Variants in ROBO2 observed in about 807,000 individuals in gnomAD.
ROBO2 encodes the protein roundabout homolog 2.
Under a neutral mutation model 160.8 loss-of-function variants are expected in ROBO2, and 53 were observed. The observed-to-expected ratio is 0.33, with a 90% confidence interval of 0.26 to 0.41. The LOEUF is 0.41. Ranked by LOEUF, ROBO2 falls within the 10% of genes least tolerant of loss-of-function variation. The pLI is 1.00. For missense variants in ROBO2, 1,577 were observed against 1,722.4 expected (o/e 0.92, Z 1.49); for synonymous variants, 664 against 611.7 (o/e 1.09, Z -1.26).
intron 2 of ROBO2, among the ~76,000 whole-genome samples, chr3:75,941,168 C>A (rs1406840821): frequency 6.6e-6 from 1 of 152,090 alleles, no homozygotes; most frequent in African/African-American, 2.4e-5. Flanking sequence ...GTTGCCCAGG[C>A]AGGTCACGAA....
intron 23 of ROBO2, chr3:77,629,815 G>A (rs572825973): frequency 1.6e-4 from 24 of 152,130 alleles, no homozygotes; most frequent in South Asian, 8.3e-4. Context: ...TAATGAAAAC[G>A]TTGAATGCAT....
intron 5 of ROBO2, among the ~76,000 whole-genome samples, chr3:77,501,222 G>A (rs1040757084): frequency 2.0e-5 from 3 of 151,924 alleles, no homozygotes; most frequent in South Asian, 4.1e-4. Context: ...CTCATATCCC[G>A]CCATATCACA....
chr3:76,258,674 AT>A (rs1361180632), intron 2 of ROBO2, among the ~76,000 whole-genome samples: 1 of 151,766 alleles, frequency 6.6e-6, no homozygotes, highest in Non-Finnish European at 1.5e-5. Flanking sequence ...AAATTTTCAG[AT>A]ATTTTTCTAA....
intron 2 of ROBO2, among the ~76,000 whole-genome samples, chr3:76,227,765 C>T (rs965864673): frequency 6.6e-6 from 1 of 152,126 alleles, no homozygotes; most frequent in Non-Finnish European, 1.5e-5. Flanking sequence ...TCACCTACCC[C>T]ACCCTAGACT....
At chr3:76,877,056 A>C (rs1353224882) in intron 2 of ROBO2, among the ~76,000 whole-genome samples, 1 of 152,216 alleles carries the variant, frequency 6.6e-6, no homozygotes, top group Non-Finnish European at 1.5e-5. Context: ...TACATTTTCC[A>C]TAAGAGTAAA....
rs576872166 is a variant in ROBO2 at position 77,613,219 on chromosome 3, A to AT, written c.3294-4280dup. ...ATTTCTTCTAATATATTCTCTATGA[A>AT]TTTTTTTTTTTTTTAAATTTCATGT... On this transcript the variant is annotated intron_variant, in intron 21 of 25. Coordinates refer to ENST00000461745, the Ensembl canonical transcript of ROBO2. Among the ~76,000 whole-genome samples the AT allele has an allele frequency of 8.2e-4, 120 of 146,000 alleles. 1 individual carries two copies. The highest frequency in any genetic ancestry group is 2.0e-3 in the East Asian group (10 of 5,004).
At chr3:75,911,094 C>A (rs1388132246) in intron 1 of ROBO2, among the ~76,000 whole-genome samples, 1 of 151,764 alleles carries the variant, frequency 6.6e-6, no homozygotes, top group Non-Finnish European at 1.5e-5. Context: ...GAGCTAACAG[C>A]TTAGTGTGAT....
At chr3:77,591,493 C>T (rs1329276568) in intron 17 of ROBO2, among the ~76,000 whole-genome samples, 1 of 152,152 alleles carries the variant, frequency 6.6e-6, no homozygotes, top group Admixed American at 6.6e-5. Flanking sequence ...ATGTTATAAT[C>T]TTGCGAAATC....
intron 2 of ROBO2, among the ~76,000 whole-genome samples, chr3:76,516,557 G>A (rs1344653681): frequency 6.6e-6 from 1 of 152,102 alleles, no homozygotes; most frequent in Non-Finnish European, 1.5e-5. Context: ...CTTGGCTCTT[G>A]CTCCATTTTA....
chr3:77,491,422 A>G (rs2086096000), intron 4 of ROBO2, among the ~76,000 whole-genome samples: 1 of 152,166 alleles, frequency 6.6e-6, no homozygotes, highest in Non-Finnish European at 1.5e-5. Flanking sequence ...GATAGCACAG[A>G]AGAAGTCGAT....
In ROBO2 at chr3:76,545,971, A is replaced by AT. The variant is rs199510675; in HGVS notation, c.110-552037dup. Among the ~76,000 whole-genome samples the AT allele has an allele frequency of 4.9e-3, 744 of 151,866 alleles. 8 individuals are homozygous for AT. Among genetic ancestry groups the AT allele is most frequent in the African/African-American group, 0.017 (724 of 41,502 alleles). On this transcript the variant is annotated intron_variant, in intron 2 of 26. Transcript: ENST00000487694. Reference sequence around the variant, plus strand: ...TACAATGATTATACTAGAGGAGGGTATTTTTTGTTGTTACTTTTTGTTCCT... The same window carrying AT: ...TACAATGATTATACTAGAGGAGGGTATTTTTTTGTTGTTACTTTTTGTTCCT...
At chr3:77,064,284 T>C (rs2066615936) in intron 1 of ROBO2, among the ~76,000 whole-genome samples, 1 of 151,744 alleles carries the variant, frequency 6.6e-6, no homozygotes, top group Non-Finnish European at 1.5e-5. Flanking sequence ...AAGGAAAAAA[T>C]GAGTAGTGAA....
At position 76,869,692 on chromosome 3, in the gene ROBO2, A is replaced by G. The variant is rs1042424868; in HGVS notation, c.110-228322A>G. ...GAAATTTCTTACCATTGAAATTGGGAATATCAAGATTTTAAAATCCTTGAA... is the reference window on the plus strand; with the variant it reads ...GAAATTTCTTACCATTGAAATTGGGGATATCAAGATTTTAAAATCCTTGAA... On this transcript the variant is annotated intron_variant, in intron 2 of 26. Coordinates refer to the ROBO2 transcript ENST00000487694. 2.6e-5 allele frequency among the ~76,000 whole-genome samples: 4 copies of G among 152,248 alleles called. No homozygotes were observed. In the South Asian group the frequency reaches 8.3e-4, roughly 32 times the overall value.
At chr3:76,143,478 A>G (rs1369236785) in intron 2 of ROBO2, among the ~76,000 whole-genome samples, 1 of 152,212 alleles carries the variant, frequency 6.6e-6, no homozygotes, top group East Asian at 1.9e-4. Context: ...AAGTTCCTTG[A>G]TAAGGAGTAT....
intron 2 of ROBO2, among the ~76,000 whole-genome samples, chr3:76,058,576 G>A (rs1456601148): frequency 4.9e-5 from 6 of 121,864 alleles, no homozygotes; most frequent in African/African-American, 9.6e-5. Flanking sequence ...ATCACACGTC[G>A]AAACAGCAGA....
At chr3:76,529,698 C>T (rs1302727135) in intron 2 of ROBO2, among the ~76,000 whole-genome samples, 2 of 152,030 alleles carry the variant, frequency 1.3e-5, no homozygotes, top group Non-Finnish European at 2.9e-5. Flanking sequence ...ACAGAAAAAA[C>T]TTGATCTTGA....
intron 2 of ROBO2, among the ~76,000 whole-genome samples, chr3:77,405,757 C>T (rs1203211184): frequency 6.6e-6 from 1 of 151,992 alleles, no homozygotes; most frequent in Admixed American, 6.6e-5. Flanking sequence ...AAACCACAAA[C>T]AATGATGTTG....
At chr3:77,061,541 CG>C (rs1196157205) in intron 1 of ROBO2, among the ~76,000 whole-genome samples, 1 of 152,116 alleles carries the variant, frequency 6.6e-6, no homozygotes, top group East Asian at 1.9e-4. Flanking sequence ...AAATCAGTAA[CG>C]GATTCATCTT....
intron 2 of ROBO2, among the ~76,000 whole-genome samples, chr3:75,993,667 T>G (rs1014108382): frequency 1.3e-5 from 2 of 152,198 alleles, no homozygotes; most frequent in African/African-American, 4.8e-5. Context: ...TTTCGCTTCC[T>G]GTAGAGTTTC....
Sources: gnomAD v4.1 joint callset for allele counts (sites outside exome capture counted in the v4.1 genomes callset) on GRCh38, gnomAD v4.1.1 for gene constraint, MANE v1.5 for transcripts, NCBI Gene and HGNC (gene_info 2026-07-23, HGNC 2026-07-21) for gene names.